BIN2: variants seen among roughly 807,000 people sequenced by gnomAD.
BIN2 encodes breast cancer associated protein BRAP1.
Under a neutral mutation model 67.9 loss-of-function variants are expected in BIN2, and 43 were observed. The observed-to-expected ratio is 0.63, with a 90% CI of 0.50 to 0.82. The LOEUF is 0.82. Ranked by LOEUF, BIN2 falls within the 40% of genes least tolerant of loss-of-function variation. The probability of loss-of-function intolerance (pLI) is 0.00; values close to 1 mark genes in which losing one functional copy is unlikely to be tolerated. For synonymous variants in BIN2, 244 were observed against 246.8 expected (o/e 0.99, Z 0.11); for missense variants, 581 against 671.6 (o/e 0.87, Z 1.49).
chr12:51,295,580 ATATATATATATATATAT>A lies in BIN2; in HGVS notation c.761+199_761+215del, dbSNP rs1945537549. 7.9e-4 allele frequency among the ~76,000 whole-genome samples: 31 copies of A among 39,454 alleles called. 3 individuals carry two copies. The highest frequency in any genetic ancestry group is 7.4e-3 in the South Asian group (6 of 812). 25.9% of individuals were successfully genotyped at this position (39,454 alleles called of 152,430 possible). A position where few individuals can be genotyped will look rare whatever the true frequency, so the allele number is the denominator to read the frequency against. ...TCCGTCTCAAAAAAAAAAAAAAAAT[ATATATATATATATATAT>A]ATATATATATATATATATATATATA... is the stretch of plus-strand genomic sequence containing the variant. On this transcript the variant is annotated intron_variant, in intron 9 of 12. Transcript: ENST00000615107.
At chr12:51,315,993 T>G (rs539595461) in intron 1 of BIN2, among the ~76,000 whole-genome samples, 70 of 152,252 alleles carry the variant, frequency 4.6e-4, no homozygotes, top group African/African-American at 1.7e-3. Context: ...GGGAGTTGCC[T>G]TCAACTACTT....
chr12:51,294,264 TAA>T (rs1419667795), intron 9 of BIN2, among the ~76,000 whole-genome samples: 1 of 152,120 alleles, frequency 6.6e-6, no homozygotes, highest in Non-Finnish European at 1.5e-5. Context: ...TCCATTTATA[TAA>T]AGTTTAAAAA....
At chr12:51,316,362 G>A (rs1946133088) in intron 1 of BIN2, among the ~76,000 whole-genome samples, 2 of 151,782 alleles carry the variant, frequency 1.3e-5, no homozygotes, top group Non-Finnish European at 2.9e-5. Flanking sequence ...CGGGAGTGGT[G>A]GCAGACGCAT....
intron 2 of BIN2, among the ~76,000 whole-genome samples, chr12:51,305,826 CTTTTTTT>C (rs1168899685): frequency 1.6e-4 from 13 of 82,438 alleles, no homozygotes; most frequent in African/African-American, 3.7e-4. Context: ...TGTTTTCTTT[CTTTTTTT>C]TTTTTTTTTT....
chr12:51,295,615 T>A lies in BIN2; in HGVS notation c.761+181A>T, dbSNP rs1326017417. ...ATATATATATATATATATATATATA[T>A]ATATATATATATATATTTAGTAAAA... On this transcript the variant is annotated intron_variant, in intron 9 of 12. Transcript: ENST00000615107. Among the ~76,000 whole-genome samples the A allele has an allele frequency of 1.2e-3, 66 of 55,424 alleles. 6 individuals are homozygous for A. Among genetic ancestry groups the A allele is most frequent in the Admixed American group, 1.9e-3 (11 of 5,722 alleles). 36.4% of individuals were successfully genotyped at this position (55,424 alleles called of 152,430 possible). A position where few individuals can be genotyped will look rare whatever the true frequency, so the allele number is the denominator to read the frequency against.
intron 5 of BIN2, among the ~76,000 whole-genome samples, chr12:51,299,980 A>G (rs539346480): frequency 6.6e-6 from 1 of 152,160 alleles, no homozygotes; most frequent in South Asian, 2.1e-4. Context: ...CTGGAATTAT[A>G]GGCATGTGCA....
chr12:51,324,590 G>C, upstream of BIN2: 1 of 1,451,302 alleles, frequency 6.9e-7, no homozygotes, highest in Non-Finnish European at 9.1e-7. Context: ...CTCCAGGTAG[G>C]CTCTAAGCCT....
chr12:51,323,330 G>A (rs1251272413), intron 1 of BIN2: 1 of 151,224 alleles, frequency 6.6e-6, no homozygotes, highest in Non-Finnish European at 1.5e-5. Flanking sequence ...TGCCAAGCAA[G>A]TAATAGATGG....
intron 1 of BIN2, 68 bp downstream of exon 1, chr12:51,323,954 C>G: frequency 6.3e-7 from 1 of 1,587,168 alleles, no homozygotes; most frequent in Non-Finnish European, 8.6e-7. Context: ...GCCCCTCCTG[C>G]CCGGCCGGGC....
At chr12:51,296,273 G>T (rs928025456) in intron 8 of BIN2, among the ~76,000 whole-genome samples, 2 of 152,026 alleles carry the variant, frequency 1.3e-5, no homozygotes, top group African/African-American at 4.8e-5. Context: ...GAGGTGGGCG[G>T]ATCACGAGGT....
intron 2 of BIN2, among the ~76,000 whole-genome samples, chr12:51,310,899 C>G (rs1383937514): frequency 6.6e-6 from 1 of 151,624 alleles, no homozygotes; most frequent in South Asian, 2.1e-4. Context: ...GCTGAGAATA[C>G]AGGAGCACAC....
At chr12:51,301,563 C>A (rs1021871115) in intron 5 of BIN2, among the ~76,000 whole-genome samples, 2 of 152,112 alleles carry the variant, frequency 1.3e-5, no homozygotes, top group Admixed American at 6.6e-5. Context: ...GGCTGGCGCA[C>A]AGTGGCATGA....
chr12:51,308,460 CAGG>C (rs1332235881), intron 2 of BIN2, among the ~76,000 whole-genome samples: 1 of 152,140 alleles, frequency 6.6e-6, no homozygotes, highest in Non-Finnish European at 1.5e-5. Context: ...CCTGAGCAGT[CAGG>C]AGGACAGAGC....
chr12:51,281,236 A>G lies in BIN2; in HGVS notation c.*263T>C. The G allele has an allele frequency of 3.9e-6, 2 of 515,980 alleles. No homozygotes were observed. Among genetic ancestry groups the G allele is most frequent in the South Asian group, 2.7e-5 (1 of 36,720 alleles). The allele number at this position is 515,980 out of a possible 1,614,324, so 32.0% of individuals were successfully genotyped here. A position where few individuals can be genotyped will look rare whatever the true frequency, so the allele number is the denominator to read the frequency against. On this transcript the variant is annotated 3_prime_UTR_variant, in exon 13 of 13. Coordinates refer to ENST00000615107, the MANE Select transcript of BIN2 (RefSeq NM_016293.4). ...ATTAAAGCTCCACTTTAGTTAATGT[A>G]TAAAGTCTTATTCTAATAATGCTAA...
intron 1 of BIN2, among the ~76,000 whole-genome samples, chr12:51,315,941 G>A (rs1946114575): frequency 6.6e-6 from 1 of 152,074 alleles, no homozygotes. Context: ...CCCCATCTTG[G>A]AAGGAGATAC....
Position 51,281,224 on chromosome 12 carries a change from TTTAG to T in BIN2, c.*271_*274del, listed in dbSNP as rs1226633090. The stretch of plus-strand genomic sequence containing the variant: ...CTTTTTATAGTGATTAAAGCTCCAC[TTTAG>T]TTAATGTATAAAGTCTTATTCTAAT... On this transcript the variant is annotated 3_prime_UTR_variant, in exon 13 of 13. Transcript: ENST00000615107. 3.1e-5 allele frequency: 15 copies of T among 480,158 alleles called. No homozygotes were observed. The highest frequency in any genetic ancestry group is 4.9e-5 in the Non-Finnish European group (13 of 266,404). The allele number at this position is 480,158 out of a possible 1,614,324, so 29.7% of individuals were successfully genotyped here. A position where few individuals can be genotyped will look rare whatever the true frequency, so the allele number is the denominator to read the frequency against.
chr12:51,302,820 A>G (rs945883668), intron 3 of BIN2, 40 bp from the exon 4 acceptor site: 1 of 1,534,502 alleles, frequency 6.5e-7, no homozygotes, highest in Admixed American at 1.7e-5. Context: ...ATGTTTCCCC[A>G]ACAGTAGTTG....
intron 2 of BIN2, among the ~76,000 whole-genome samples, chr12:51,305,826 C>CTTTTTTTT (rs1168899685): frequency 1.8e-4 from 15 of 82,438 alleles, no homozygotes; most frequent in East Asian, 4.5e-4. Flanking sequence ...TGTTTTCTTT[C>CTTTTTTTT]TTTTTTTTTT....
intron 7 of BIN2, among the ~76,000 whole-genome samples, chr12:51,297,822 A>G (rs1304784010): frequency 7.6e-6 from 1 of 131,586 alleles, no homozygotes; most frequent in Non-Finnish European, 1.7e-5. Flanking sequence ...CTATCTAATT[A>G]TAACTATTAC....
Sources: allele counts gnomAD v4.1 joint callset (sites outside exome capture counted in the v4.1 genomes callset), GRCh38; gene constraint gnomAD v4.1.1; transcripts MANE v1.5; gene names NCBI Gene and HGNC (gene_info 2026-07-23, HGNC 2026-07-21).